Variants in DTHD1 observed in about 807,000 individuals in gnomAD.
The protein encoded by DTHD1 is death domain-containing protein 1.
In DTHD1, 59 loss-of-function variants were observed where a neutral mutation model predicts 74.8. The ratio of observed to expected loss-of-function variants is 0.79; its 90% confidence interval spans 0.64 to 0.98. The LOEUF (loss-of-function observed/expected upper bound fraction) is 0.98. Ranked by LOEUF, DTHD1 falls within the 50% of genes least tolerant of loss-of-function variation. The pLI is 0.00. For missense variants in DTHD1, 1,051 were observed against 1,065.4 expected (o/e 0.99, Z 0.19); for synonymous variants, 365 against 371.1 (o/e 0.98, Z 0.19).
At chr4:36,329,208 C>T (rs568671224) in intron 8 of DTHD1, among the ~76,000 whole-genome samples, 23 of 152,286 alleles carry the variant, frequency 1.5e-4, no homozygotes, top group South Asian at 1.2e-3. Context: ...TTTCAAAGAG[C>T]CAGTTAGGAG....
At chr4:36,290,251 G>C (rs979193319) in intron 2 of DTHD1, 122 bp from the exon 3 acceptor site, 23 of 1,041,848 alleles carry the variant, frequency 2.2e-5, no homozygotes, top group Non-Finnish European at 3.0e-5. Context: ...AGGTCACAGA[G>C]TTGATCAGAA....
intron 1 of DTHD1, among the ~76,000 whole-genome samples, chr4:36,283,604 A>G (rs1255126658): frequency 6.6e-6 from 1 of 152,224 alleles, no homozygotes; most frequent in East Asian, 1.9e-4. Context: ...TTGTACATCC[A>G]GTGGTAAAAG....
intron 5 of DTHD1, among the ~76,000 whole-genome samples, chr4:36,301,558 C>T (rs549712258): frequency 1.3e-5 from 2 of 152,258 alleles, no homozygotes; most frequent in African/African-American, 2.4e-5. Flanking sequence ...TTTTATCTGA[C>T]GCCCTCCACA....
intron 8 of DTHD1, among the ~76,000 whole-genome samples, chr4:36,336,245 A>C (rs1759004025): frequency 6.6e-6 from 1 of 152,250 alleles, no homozygotes; most frequent in South Asian, 2.1e-4. Flanking sequence ...AAGATATCAT[A>C]GGTGGCAAAT....
chr4:36,283,548 C>T (rs78019821), intron 1 of DTHD1, among the ~76,000 whole-genome samples: 533 of 152,238 alleles, frequency 3.5e-3, no homozygotes, highest in African/African-American at 0.011. Flanking sequence ...CTGGAGTGTT[C>T]GCCTAATTTT....
intron 7 of DTHD1, among the ~76,000 whole-genome samples, chr4:36,308,948 T>A (rs1252996785): frequency 1.3e-5 from 2 of 151,918 alleles, no homozygotes; most frequent in Non-Finnish European, 2.9e-5. Context: ...CCAAACTCTT[T>A]AAGATGTTTT....
At chr4:36,296,782 A>G (rs956211222) in intron 5 of DTHD1, among the ~76,000 whole-genome samples, 2 of 151,878 alleles carry the variant, frequency 1.3e-5, no homozygotes, top group Non-Finnish European at 2.9e-5. Flanking sequence ...GCTTTTTCCA[A>G]TCTGCTTCAT....
chr4:36,284,447 C>T lies in DTHD1; in HGVS notation c.743C>T (p.Thr248Ile), dbSNP rs765242624. Residue 248 changes from threonine to isoleucine, a missense_variant, in exon 2 of 10, where the codon ACA (threonine) becomes ATA (isoleucine). Physicochemically the swap from Thr to Ile is moderately conservative, Grantham distance 89. Coordinates refer to ENST00000639862, the MANE Select transcript of DTHD1 (RefSeq NM_001170700.3). ...ETHGIIQTTE[T>I]EIQETSESPR... Reference sequence around the variant, plus strand: ...CATGGCATAATTCAGACAACAGAGACAGAAATTCAAGAGACTTCAGAAAGC... The same window carrying T: ...CATGGCATAATTCAGACAACAGAGATAGAAATTCAAGAGACTTCAGAAAGC... 3 of 1,537,060 alleles carry T rather than the reference C, an allele frequency of 2.0e-6. No individual in the cohort carries two copies. Among genetic ancestry groups the T allele is most frequent in the South Asian group, 1.2e-5 (1 of 84,058 alleles).
chr4:36,326,962 C>CT (rs201334706), intron 8 of DTHD1, among the ~76,000 whole-genome samples: 6,880 of 145,482 alleles, frequency 0.047, 212 homozygotes, highest in South Asian at 0.13. Context: ...ATTTGTTTTT[C>CT]TTTTTTTTTT....
At chr4:36,308,912 A>C (rs748287556) in intron 7 of DTHD1, among the ~76,000 whole-genome samples, 3 of 152,034 alleles carry the variant, frequency 2.0e-5, no homozygotes, top group Non-Finnish European at 2.9e-5. Context: ...CCTTATTTTT[A>C]CCTCCTATTC....
chr4:36,314,144 C>A (rs77575201), intron 7 of DTHD1, among the ~76,000 whole-genome samples: 35 of 151,134 alleles, frequency 2.3e-4, no homozygotes, highest in Non-Finnish European at 4.7e-4. Flanking sequence ...GGATCTACTC[C>A]TACACCATCT....
chr4:36,324,375 T>C (rs1189664696), intron 8 of DTHD1, among the ~76,000 whole-genome samples: 1 of 152,202 alleles, frequency 6.6e-6, no homozygotes, highest in Non-Finnish European at 1.5e-5. Context: ...TGTATCGTTA[T>C]AGGGCTTTTG....
chr4:36,293,844 T>C (rs1756234600), intron 4 of DTHD1, 139 bp downstream of exon 4: 1 of 584,650 alleles, frequency 1.7e-6, no homozygotes, highest in East Asian at 3.2e-5. Context: ...CGGCCTAATA[T>C]ATAGTGATAT....
intron 7 of DTHD1, among the ~76,000 whole-genome samples, chr4:36,311,998 G>A (rs1213979185): frequency 2.4e-4 from 36 of 152,138 alleles, no homozygotes; most frequent in Admixed American, 2.4e-3. Context: ...GACATGGACT[G>A]TATTTCTATC....
Position 36,297,876 on chromosome 4 carries a change from TA to T in DTHD1, c.1643+2838del, listed in dbSNP as rs1756530407. The stretch of plus-strand genomic sequence containing the variant: ...CTTTTTAGATCCTTGAGTCCAGATC[TA>T]GGGGGGATTTCTTTTTTAGCTTTTG... On this transcript the variant is annotated intron_variant, in intron 5 of 9. Coordinates refer to ENST00000639862, the MANE Select transcript of DTHD1 (RefSeq NM_001170700.3). 3.3e-5 allele frequency among the ~76,000 whole-genome samples: 5 copies of T among 152,032 alleles called. No homozygotes were observed. The South Asian group carries it at 1.0e-3, about 32-fold the overall frequency.
At chr4:36,299,081 T>G (rs575752252) in intron 5 of DTHD1, among the ~76,000 whole-genome samples, 1 of 152,280 alleles carries the variant, frequency 6.6e-6, no homozygotes, top group South Asian at 2.1e-4. Context: ...CTCACCACAG[T>G]CACTCATCCC....
chr4:36,343,789 G>A lies in DTHD1; in HGVS notation c.2686G>A (p.Glu896Lys), dbSNP rs529961646. Reference protein sequence around the residue: ...KFKWENKVFTEPQQCFDVAPE With the variant: ...KFKWENKVFTKPQQCFDVAPE ...CAAGTGGGAAAATAAAGTGTTCACT[G>A]AACCACAGCAGTGTTTTGATGTAGC... The change falls in exon 10 of 10, where the codon GAA (glutamate) becomes AAA (lysine). Residue 896 changes from glutamate to lysine, a missense_variant. By Grantham distance (56) the Glu-to-Lys change is moderately conservative. Transcript: ENST00000639862. 500 of 1,550,942 alleles carry A rather than the reference G, an allele frequency of 3.2e-4. No homozygotes were observed. The African/African-American group carries it at 4.3e-3, about 13-fold the overall frequency.
chr4:36,329,716 G>A (rs566074997), intron 8 of DTHD1, among the ~76,000 whole-genome samples: 26 of 152,230 alleles, frequency 1.7e-4, no homozygotes, highest in Non-Finnish European at 2.8e-4. Context: ...AAAAGGAATC[G>A]AAACAGTGAA....
At position 36,343,958 on chromosome 4, in the gene DTHD1, T is replaced by C; in HGVS notation, c.*134T>C. 1 of 869,958 alleles carries C rather than the reference T, an allele frequency of 1.1e-6. No individual in the cohort carries two copies. Among genetic ancestry groups the C allele is most frequent in the Non-Finnish European group, 1.7e-6 (1 of 583,764 alleles). 53.9% of individuals were successfully genotyped at this position (869,958 alleles called of 1,614,324 possible). On this transcript the variant is annotated 3_prime_UTR_variant, in exon 10 of 10. Transcript: ENST00000639862. ...TTTAATGATGTGCTATTTAATGATG[T>C]GAGACAAAGGGAGAAGCACGGATCA...
Sources: allele counts gnomAD v4.1 joint callset (sites outside exome capture counted in the v4.1 genomes callset), GRCh38; gene constraint gnomAD v4.1.1; transcripts MANE v1.5; gene names NCBI Gene and HGNC (gene_info 2026-07-23, HGNC 2026-07-21).